Variants in WDR70 observed in about 807,000 individuals in gnomAD.
The protein encoded by WDR70 is WD repeat domain 70.
A neutral mutation model predicts 88.6 loss-of-function variants in WDR70; 53 were observed. The ratio of observed to expected loss-of-function variants is 0.60; its 90% confidence interval spans 0.48 to 0.75. The LOEUF is 0.75. WDR70 is among the 30% of genes least tolerant of loss of function. WDR70 has a pLI of 0.00. For missense variants in WDR70, 610 were observed against 823.2 expected (o/e 0.74, Z 3.17); for synonymous variants, 280 against 270.0 (o/e 1.04, Z -0.36).
intron 10 of WDR70, among the ~76,000 whole-genome samples, chr5:37,653,922 GT>G (rs1461016202): frequency 8.6e-5 from 13 of 151,992 alleles, no homozygotes; most frequent in Non-Finnish European, 1.6e-4. Flanking sequence ...TTCTTGAAGG[GT>G]TTTTCATGTC....
chr5:37,699,976 A>AAAAAC (rs1747107137), intron 11 of WDR70, among the ~76,000 whole-genome samples: 1 of 75,122 alleles, frequency 1.3e-5, no homozygotes, highest in South Asian at 5.5e-4. Flanking sequence ...AAACAAAAAC[A>AAAAAC]AAAAAAAAAA....
At chr5:37,699,375 A>T (rs533320776) in intron 11 of WDR70, among the ~76,000 whole-genome samples, 1 of 111,430 alleles carries the variant, frequency 9.0e-6, no homozygotes, top group Admixed American at 9.6e-5. Context: ...GTGTGTGTGT[A>T]TATATATGTA....
chr5:37,568,664 TTA>T (rs1303176102), intron 9 of WDR70, among the ~76,000 whole-genome samples: 6 of 152,238 alleles, frequency 3.9e-5, no homozygotes, highest in African/African-American at 1.4e-4. Context: ...TGTGAATATC[TTA>T]TATGGAATTG....
At chr5:37,591,029 A>G (rs1158816742) in intron 9 of WDR70, among the ~76,000 whole-genome samples, 3 of 152,160 alleles carry the variant, frequency 2.0e-5, no homozygotes, top group Non-Finnish European at 4.4e-5. Flanking sequence ...ATAAATCCCT[A>G]GCTGTATTGA....
chr5:37,579,066 A>T (rs1384391139), intron 9 of WDR70, among the ~76,000 whole-genome samples: 1 of 152,228 alleles, frequency 6.6e-6, no homozygotes, highest in East Asian at 1.9e-4. Context: ...TGAAGGAGCA[A>T]GCGAATGAAT....
At chr5:37,674,989 A>G (rs6896585) in intron 10 of WDR70, among the ~76,000 whole-genome samples, 148,150 of 150,296 alleles carry the variant, frequency 0.99, 73,070 homozygotes, top group Non-Finnish European at 1. Context: ...GCTAGTGATG[A>G]TGAGCATTTT....
Position 37,396,525 on chromosome 5 carries a change from A to AGAAGAAGAAGCAGAG in WDR70, c.458_472dup (p.Ala153_Glu157dup), listed in dbSNP as rs1749018463. The AGAAGAAGAAGCAGAG allele has an allele frequency of 6.2e-7, 1 of 1,613,332 alleles. No individual in the cohort carries two copies. The highest frequency in any genetic ancestry group is 1.3e-5 in the African/African-American group (1 of 74,920). On this transcript the variant is annotated inframe_insertion, in exon 5 of 18. Coordinates refer to ENST00000265107, the MANE Select transcript of WDR70 (RefSeq NM_018034.4). ...CTTTACCTCCACCTCTTAATGAAGA[A>AGAAGAAGAAGCAGAG]GAAGAAGAAGCAGAGGAAGAAGAAG...
chr5:37,414,713 G>A (rs1256769387), intron 5 of WDR70, among the ~76,000 whole-genome samples: 3 of 151,408 alleles, frequency 2.0e-5, no homozygotes, highest in Non-Finnish European at 4.4e-5. Flanking sequence ...ATCCTTGGCT[G>A]TGGGCATGGC....
intron 10 of WDR70, among the ~76,000 whole-genome samples, chr5:37,666,958 G>T (rs553936808): frequency 5.3e-5 from 8 of 152,124 alleles, no homozygotes; most frequent in African/African-American, 1.9e-4. Flanking sequence ...ATGCACTTAG[G>T]ACAATATCTA....
chr5:37,442,004 T>C (rs1027789669), intron 6 of WDR70, among the ~76,000 whole-genome samples: 13 of 151,460 alleles, frequency 8.6e-5, no homozygotes, highest in African/African-American at 3.1e-4. Context: ...ACGTGTGAAT[T>C]GGACCTAGGA....
rs1285907159 is a variant in WDR70 at position 37,381,500 on chromosome 5, A to G, written c.92-102A>G. ...ATTATGGTTATATTGGAGCCATGCT[A>G]TAAACTAGACAAAGTAAGTGTTTAT... On this transcript the variant is annotated intron_variant, in intron 2 of 17. Transcript: ENST00000265107. 6.6e-6 allele frequency: 6 copies of G among 910,130 alleles called. No individual in the cohort carries two copies. The African/African-American group carries it at 6.6e-5, about 10-fold the overall frequency. The allele number at this position is 910,130 out of a possible 1,614,324, so 56.4% of individuals were successfully genotyped here.
At chr5:37,557,961 T>TGAAAACTCTTCAACAGA (rs1176435994) in intron 9 of WDR70, among the ~76,000 whole-genome samples, 4 of 148,286 alleles carry the variant, frequency 2.7e-5, no homozygotes, top group African/African-American at 5.0e-5. Flanking sequence ...AAGAGTATTA[T>TGAAAACTCTTCAACAGA]GTATATTTAT....
rs557423526 is a variant in WDR70 at position 37,491,461 on chromosome 5, A to T, written c.840+11474A>T. Among the ~76,000 whole-genome samples the T allele has an allele frequency of 2.6e-5, 4 of 152,266 alleles. No individual in the cohort carries two copies. In the East Asian group the frequency reaches 7.7e-4, roughly 29 times the overall value. On this transcript the variant is annotated intron_variant, in intron 8 of 17. Transcript: ENST00000265107. ...TTGTCTTCAACTCTTTTTCTTTTCAACATGAAAGCAATTCTCTGCCATTTA... is the reference window on the plus strand; with the variant it reads ...TTGTCTTCAACTCTTTTTCTTTTCATCATGAAAGCAATTCTCTGCCATTTA...
At chr5:37,625,464 A>G (rs958787381) in intron 10 of WDR70, among the ~76,000 whole-genome samples, 9 of 151,928 alleles carry the variant, frequency 5.9e-5, no homozygotes, top group Non-Finnish European at 1.0e-4. Context: ...ATACATGTTG[A>G]CCATATGTAT....
At chr5:37,556,534 AACTT>A (rs1425528740) in intron 9 of WDR70, among the ~76,000 whole-genome samples, 6 of 152,238 alleles carry the variant, frequency 3.9e-5, no homozygotes, top group African/African-American at 7.2e-5. Flanking sequence ...ATCTTAAGCA[AACTT>A]ACTAATGATG....
chr5:37,538,549 A>G (rs1432634645), intron 9 of WDR70, among the ~76,000 whole-genome samples: 1 of 152,130 alleles, frequency 6.6e-6, no homozygotes, highest in South Asian at 2.1e-4. Context: ...CCAAGCTAGC[A>G]CTCATTGTTT....
intron 9 of WDR70, among the ~76,000 whole-genome samples, chr5:37,598,980 G>C (rs1423965983): frequency 1.3e-5 from 2 of 152,136 alleles, no homozygotes; most frequent in East Asian, 3.8e-4. Flanking sequence ...TGAACTTTCT[G>C]GCATCTGCCG....
chr5:37,484,481 T>C (rs1581325690), intron 8 of WDR70, among the ~76,000 whole-genome samples: 1 of 151,500 alleles, frequency 6.6e-6, no homozygotes, highest in Non-Finnish European at 1.5e-5. Context: ...GGCAGGGAGG[T>C]TGCATTGAGC....
At chr5:37,557,959 T>TTTGAAAACTCCTCAA in intron 9 of WDR70, among the ~76,000 whole-genome samples, 1 of 146,506 alleles carries the variant, frequency 6.8e-6, no homozygotes, top group Non-Finnish European at 1.5e-5. Context: ...AAAAGAGTAT[T>TTTGAAAACTCCTCAA]ATGTATATTT....
Sources: allele counts gnomAD v4.1 joint callset (sites outside exome capture counted in the v4.1 genomes callset), GRCh38; gene constraint gnomAD v4.1.1; transcripts MANE v1.5; gene names NCBI Gene and HGNC (gene_info 2026-07-23, HGNC 2026-07-21).